NEGR1: variants seen among roughly 807,000 people sequenced by gnomAD.
The protein encoded by NEGR1 is IgLON family member 4.
NEGR1 carries 10 observed loss-of-function variants against 40.9 expected under a neutral mutation model. The ratio of observed to expected loss-of-function variants is 0.24; its 90% confidence interval spans 0.15 to 0.42. The LOEUF (loss-of-function observed/expected upper bound fraction) is 0.42, where lower values mean the gene tolerates loss of function less well. Ranked by LOEUF, NEGR1 falls within the 10% of genes least tolerant of loss-of-function variation. NEGR1 has a pLI of 1.00. For synonymous variants in NEGR1, 185 were observed against 166.8 expected (o/e 1.11, Z -0.84); for missense variants, 352 against 438.9 (o/e 0.80, Z 1.77).
chr1:71,543,100 T>C (rs982500113), intron 6 of NEGR1, among the ~76,000 whole-genome samples: 9 of 151,780 alleles, frequency 5.9e-5, no homozygotes, highest in African/African-American at 2.2e-4. Flanking sequence ...AGGAACTGTT[T>C]TACTATTTTA....
At chr1:72,021,926 G>C (rs1235518297) in intron 1 of NEGR1, among the ~76,000 whole-genome samples, 1 of 152,040 alleles carries the variant, frequency 6.6e-6, no homozygotes, top group Non-Finnish European at 1.5e-5. Context: ...ATGAGGTCAG[G>C]AGATTGAGAC....
intron 2 of NEGR1, among the ~76,000 whole-genome samples, chr1:71,903,242 G>A (rs1661187236): frequency 6.6e-6 from 1 of 151,856 alleles, no homozygotes; most frequent in Non-Finnish European, 1.5e-5. Context: ...GTGATGGTAT[G>A]TAAACATTTA....
intron 1 of NEGR1, among the ~76,000 whole-genome samples, chr1:72,249,369 A>G (rs1415082871): frequency 6.6e-6 from 1 of 152,220 alleles, no homozygotes; most frequent in East Asian, 1.9e-4. Context: ...CAGATGGGCT[A>G]AAATATGTTT....
At chr1:72,060,275 T>G (rs775517762) in intron 1 of NEGR1, among the ~76,000 whole-genome samples, 4 of 151,672 alleles carry the variant, frequency 2.6e-5, no homozygotes, top group Admixed American at 6.6e-5. Context: ...TACAGATTAT[T>G]CATTTAAGAA....
chr1:71,531,903 T>A (rs1647368043), intron 6 of NEGR1, among the ~76,000 whole-genome samples: 1 of 150,904 alleles, frequency 6.6e-6, no homozygotes, highest in African/African-American at 2.4e-5. Flanking sequence ...TTGATTACAA[T>A]TTGAGATAGA....
intron 2 of NEGR1, among the ~76,000 whole-genome samples, chr1:71,856,093 T>C (rs1659751958): frequency 6.6e-6 from 1 of 151,820 alleles, no homozygotes; most frequent in African/African-American, 2.4e-5. Context: ...CAGGAAAAAA[T>C]GTAGATATTT....
intron 2 of NEGR1, among the ~76,000 whole-genome samples, chr1:71,821,755 C>T (rs746233616): frequency 1.3e-4 from 20 of 151,982 alleles, no homozygotes; most frequent in South Asian, 2.1e-4. Context: ...ACTGTATGCC[C>T]TTTGAAAAAT....
At position 71,965,448 on chromosome 1, in the gene NEGR1, A is replaced by G. The variant is rs78129275; in HGVS notation, c.177-30137T>C. ...GCCACTTAAGCATGCTTCATAGTCT[A>G]TGTCATGAATGATACTACTGGATTT... On this transcript the variant is annotated intron_variant, in intron 1 of 6. Transcript: ENST00000357731. Among the ~76,000 whole-genome samples the G allele has an allele frequency of 1.0e-2, 1,518 of 152,312 alleles. 24 individuals carry two copies. Among genetic ancestry groups the G allele is most frequent in the African/African-American group, 0.035 (1,448 of 41,580 alleles).
intron 4 of NEGR1, among the ~76,000 whole-genome samples, chr1:71,690,118 C>T (rs1162917446): frequency 6.6e-6 from 1 of 151,982 alleles, no homozygotes; most frequent in Non-Finnish European, 1.5e-5. Context: ...CACTTCTCTC[C>T]CTTCACACAC....
chr1:72,018,376 A>G (rs1192103233), intron 1 of NEGR1, among the ~76,000 whole-genome samples: 1 of 152,204 alleles, frequency 6.6e-6, no homozygotes, highest in Non-Finnish European at 1.5e-5. Context: ...TGGACTAAAG[A>G]TCTTTTAAGA....
intron 1 of NEGR1, among the ~76,000 whole-genome samples, chr1:72,059,774 T>C (rs1253519488): frequency 6.6e-6 from 1 of 151,682 alleles, no homozygotes; most frequent in East Asian, 1.9e-4. Context: ...ATAAACATGA[T>C]TTAATAATTA....
chr1:71,772,463 T>G (rs763311380), intron 3 of NEGR1, among the ~76,000 whole-genome samples: 1 of 152,060 alleles, frequency 6.6e-6, no homozygotes, highest in Non-Finnish European at 1.5e-5. Context: ...CAATGTTCAG[T>G]AATGACACTG....
In NEGR1 at chr1:71,989,892, C is replaced by T. The variant is rs1394029131; in HGVS notation, c.177-54581G>A. Among the ~76,000 whole-genome samples, 4 of 152,058 alleles carry T rather than the reference C, an allele frequency of 2.6e-5. No homozygotes were observed. In the East Asian group the frequency reaches 7.7e-4, roughly 29 times the overall value. ...TGCAGTTAATGTTTTTTTAATCACTCATCATATGTAAATCCCAAAGTAATT... is the reference window on the plus strand; with the variant it reads ...TGCAGTTAATGTTTTTTTAATCACTTATCATATGTAAATCCCAAAGTAATT... On this transcript the variant is annotated intron_variant, in intron 1 of 6. Coordinates refer to ENST00000357731, the MANE Select transcript of NEGR1 (RefSeq NM_173808.3).
chr1:72,252,923 T>C (rs1655152348), intron 1 of NEGR1, among the ~76,000 whole-genome samples: 1 of 152,136 alleles, frequency 6.6e-6, no homozygotes, highest in Non-Finnish European at 1.5e-5. Context: ...GAAGGAAAAA[T>C]GAATTGATGT....
chr1:72,138,773 T>C (rs1057388927), intron 1 of NEGR1, among the ~76,000 whole-genome samples: 3 of 152,014 alleles, frequency 2.0e-5, no homozygotes, highest in African/African-American at 4.8e-5. Flanking sequence ...ACAATTATAG[T>C]TGGAGATTTA....
chr1:72,273,475 T>A (rs1655925298), intron 1 of NEGR1, among the ~76,000 whole-genome samples: 1 of 151,976 alleles, frequency 6.6e-6, no homozygotes, highest in Non-Finnish European at 1.5e-5. Context: ...AAATCTGGGA[T>A]CTTCTTAAAA....
intron 1 of NEGR1, among the ~76,000 whole-genome samples, chr1:72,170,659 G>A (rs1455034386): frequency 6.6e-6 from 1 of 152,200 alleles, no homozygotes; most frequent in Non-Finnish European, 1.5e-5. Context: ...GTTTACAATT[G>A]TAGCTGAAAC....
chr1:72,079,844 T>A (rs1647911950), intron 1 of NEGR1, among the ~76,000 whole-genome samples: 1 of 152,120 alleles, frequency 6.6e-6, no homozygotes, highest in Non-Finnish European at 1.5e-5. Context: ...CTCATTTTAA[T>A]TACATTTAAT....
rs1267484618 is a variant in NEGR1, at chr1:72,111,069, TACAC to T, written c.176+171246_176+171249del. Among the ~76,000 whole-genome samples the T allele has an allele frequency of 4.3e-3, 476 of 109,868 alleles. 3 individuals are homozygous for T. The highest frequency in any genetic ancestry group is 0.014 in the African/African-American group (457 of 32,074). 72.1% of individuals were successfully genotyped at this position (109,868 alleles called of 152,430 possible). A position where few individuals can be genotyped will look rare whatever the true frequency, so the allele number is the denominator to read the frequency against. ...TACACTAAATTTTTAGATATATACATACACATATATATATATACACACACACACA... is the reference window on the plus strand; with the variant it reads ...TACACTAAATTTTTAGATATATACATATATATATATATACACACACACACA... On this transcript the variant is annotated intron_variant, in intron 1 of 6. Transcript: ENST00000357731.
Sources: allele counts gnomAD v4.1 joint callset (sites outside exome capture counted in the v4.1 genomes callset), GRCh38; gene constraint gnomAD v4.1.1; transcripts MANE v1.5; gene names NCBI Gene and HGNC (gene_info 2026-07-23, HGNC 2026-07-21).